Variants in PTPRD observed in about 807,000 individuals in gnomAD.
PTPRD encodes the protein protein tyrosine phosphatase receptor type D, also known as receptor-type tyrosine-protein phosphatase delta.
In PTPRD, 34 loss-of-function variants were observed where a neutral mutation model predicts 214.5. That is an observed-to-expected ratio of 0.16 (90% CI 0.12 to 0.21). PTPRD has a LOEUF of 0.21. Among genes scored for constraint, PTPRD ranks in the 10% least tolerant of loss-of-function variants. The pLI is 1.00. For missense variants in PTPRD, 2,545 were observed against 2,398.7 expected (o/e 1.06, Z -1.27); for synonymous variants, 1,128 against 845.7 (o/e 1.33, Z -5.79).
chr9:8,544,622 A>G (rs2079460864), intron 14 of PTPRD, among the ~76,000 whole-genome samples: 1 of 151,610 alleles, frequency 6.6e-6, no homozygotes, highest in African/African-American at 2.4e-5. Flanking sequence ...GGCGCCAGCC[A>G]CTGTGCCCAG....
At chr9:9,917,903 G>C (rs915298132) in intron 5 of PTPRD, among the ~76,000 whole-genome samples, 2 of 145,566 alleles carry the variant, frequency 1.4e-5, no homozygotes, top group Admixed American at 1.4e-4. Context: ...AATTAATTAG[G>C]TATAAAAGGA....
chr9:10,350,873 A>G (rs1046793142), intron 2 of PTPRD, among the ~76,000 whole-genome samples: 2 of 152,130 alleles, frequency 1.3e-5, no homozygotes, highest in Non-Finnish European at 2.9e-5. Flanking sequence ...GTTTGGCCTT[A>G]TGGAGTTTAC....
At chr9:10,392,484 T>G (rs2098087902) in intron 2 of PTPRD, among the ~76,000 whole-genome samples, 1 of 151,842 alleles carries the variant, frequency 6.6e-6, no homozygotes, top group South Asian at 2.1e-4. Flanking sequence ...GTAACATCAT[T>G]CCTTATTTTA....
chr9:9,024,414 A>G (rs2099580627), intron 10 of PTPRD, among the ~76,000 whole-genome samples: 1 of 142,312 alleles, frequency 7.0e-6, no homozygotes, highest in African/African-American at 2.7e-5. Flanking sequence ...ATATATTTGC[A>G]TGAATCATGA....
intron 35 of PTPRD, among the ~76,000 whole-genome samples, chr9:8,427,771 A>AGG (rs2094784591): frequency 2.6e-5 from 4 of 152,018 alleles, no homozygotes; most frequent in Non-Finnish European, 5.9e-5. Flanking sequence ...TGATTCTAAG[A>AGG]CATACATTTC....
At chr9:8,810,650 C>G (rs960240394) in intron 11 of PTPRD, among the ~76,000 whole-genome samples, 2 of 152,168 alleles carry the variant, frequency 1.3e-5, no homozygotes, top group African/African-American at 4.8e-5. Flanking sequence ...AAGTAGAGAT[C>G]TGAATTTTTA....
chr9:9,406,100 A>G (rs2073218985), intron 8 of PTPRD, among the ~76,000 whole-genome samples: 1 of 152,042 alleles, frequency 6.6e-6, no homozygotes, highest in African/African-American at 2.4e-5. Context: ...AATAAAATAT[A>G]CTGAGAAAAT....
At chr9:9,676,632 G>GAA (rs2096936501) in intron 7 of PTPRD, among the ~76,000 whole-genome samples, 1 of 152,014 alleles carries the variant, frequency 6.6e-6, no homozygotes, top group Non-Finnish European at 1.5e-5. Context: ...AATCCTTTGG[G>GAA]TATATACCCA....
chr9:8,667,711 G>A (rs1231949210), intron 12 of PTPRD, among the ~76,000 whole-genome samples: 1 of 151,594 alleles, frequency 6.6e-6, no homozygotes, highest in East Asian at 1.9e-4. Flanking sequence ...TTTAGACTTG[G>A]GTCCCATCCC....
chr9:10,120,023 CT>C (rs1399572254), intron 3 of PTPRD, among the ~76,000 whole-genome samples: 3 of 151,952 alleles, frequency 2.0e-5, no homozygotes, highest in African/African-American at 7.2e-5. Flanking sequence ...GTGATAGAAA[CT>C]TAGCTTTATG....
chr9:10,310,653 C>T lies in PTPRD; in HGVS notation c.-545+30310G>A, dbSNP rs116265168. Among the ~76,000 whole-genome samples the T allele has an allele frequency of 2.1e-3, 312 of 152,172 alleles. 3 individuals are homozygous for T. The highest frequency in any genetic ancestry group is 7.0e-3 in the African/African-American group (291 of 41,544). On this transcript the variant is annotated intron_variant, in intron 3 of 45. Transcript: ENST00000381196. ...CAGGTTCTTGGGGAAAGTGTTTACA[C>T]GAATCCCAATGGACATTAAAGCTTT... is the stretch of plus-strand genomic sequence containing the variant.
intron 43 of PTPRD, 149 bp downstream of exon 43, chr9:8,338,773 A>AAACAT: frequency 1.7e-6 from 1 of 600,466 alleles, no homozygotes; most frequent in Non-Finnish European, 2.5e-6. Flanking sequence ...CTTACATATT[A>AAACAT]AACATAAAAA....
In PTPRD at chr9:9,978,744, G is replaced by A. The variant is rs540338506; in HGVS notation, c.-471-40134C>T. ...AGCACACTATAGATCCAAGAAGCTC[G>A]AAAAACCAATAAGCAGAATAAATAA... is the stretch of plus-strand genomic sequence containing the variant. On this transcript the variant is annotated intron_variant, in intron 4 of 45. Transcript: ENST00000381196. 2.9e-3 allele frequency among the ~76,000 whole-genome samples: 322 copies of A among 110,516 alleles called. 1 individual carries two copies. Among genetic ancestry groups the A allele is most frequent in the African/African-American group, 0.013 (304 of 23,952 alleles). The allele number at this position is 110,516 out of a possible 152,430, so 72.5% of individuals were successfully genotyped here. A position where few individuals can be genotyped will look rare whatever the true frequency, so the allele number is the denominator to read the frequency against.
intron 10 of PTPRD, among the ~76,000 whole-genome samples, chr9:9,128,991 T>C (rs12337224): frequency 0.028 from 4,330 of 152,306 alleles, 120 homozygotes; most frequent in East Asian, 0.066. Flanking sequence ...GAAGATTCTA[T>C]TTGGGAAATA....
chr9:10,417,006 G>C (rs1053964030), intron 2 of PTPRD, among the ~76,000 whole-genome samples: 4 of 151,916 alleles, frequency 2.6e-5, no homozygotes, highest in African/African-American at 9.7e-5. Context: ...TTCCAGACAA[G>C]AGTTGCCTTG....
At chr9:10,551,751 C>T (rs1020657092) in intron 2 of PTPRD, among the ~76,000 whole-genome samples, 1 of 152,176 alleles carries the variant, frequency 6.6e-6, no homozygotes, top group Admixed American at 6.5e-5. Context: ...CAACTTGCTT[C>T]CCACTATTGC....
intron 3 of PTPRD, among the ~76,000 whole-genome samples, chr9:10,158,003 T>TTTGTTTG (rs138430444): frequency 4.6e-5 from 7 of 151,072 alleles, no homozygotes; most frequent in East Asian, 2.0e-4. Flanking sequence ...GTTTATGGTT[T>TTTGTTTG]TTTGTTTGTT....
intron 2 of PTPRD, among the ~76,000 whole-genome samples, chr9:10,494,034 G>A (rs2041233628): frequency 6.6e-6 from 1 of 151,848 alleles, no homozygotes; most frequent in African/African-American, 2.4e-5. Context: ...ATGCCTTCTT[G>A]TAATTAACAC....
chr9:9,176,451 T>C (rs904395096), intron 10 of PTPRD, among the ~76,000 whole-genome samples: 2 of 152,212 alleles, frequency 1.3e-5, no homozygotes, highest in East Asian at 3.9e-4. Context: ...TGTCCATTTA[T>C]TAGGTAATTT....
Sources: allele counts gnomAD v4.1 joint callset (sites outside exome capture counted in the v4.1 genomes callset), GRCh38; gene constraint gnomAD v4.1.1; transcripts MANE v1.5; gene names NCBI Gene and HGNC (gene_info 2026-07-23, HGNC 2026-07-21).